Variants in BCL2L13 observed in about 807,000 individuals in gnomAD.
The protein encoded by BCL2L13 is bcl-2-like protein 13.
BCL2L13 carries 13 observed loss-of-function variants against 25.8 expected under a neutral mutation model. The observed-to-expected ratio is 0.50, with a 90% confidence interval of 0.33 to 0.80. The LOEUF is 0.80. Ranked by LOEUF, BCL2L13 falls within the 30% of genes least tolerant of loss-of-function variation. The pLI, the probability that BCL2L13 is intolerant of heterozygous loss-of-function variation, is 0.02. For synonymous variants in BCL2L13, 244 were observed against 230.3 expected (o/e 1.06, Z -0.54); for missense variants, 504 against 574.9 (o/e 0.88, Z 1.26).
Position 17,729,319 on chromosome 22 carries a change from T to G in BCL2L13, c.*1785T>G, listed in dbSNP as rs1279204341. Reference sequence around the variant, plus strand: ...AGTGTCCCATTTAGGGAGTGATGTTTTAAGGGTTTTTGTGTACTTGGATTA... The same window carrying G: ...AGTGTCCCATTTAGGGAGTGATGTTGTAAGGGTTTTTGTGTACTTGGATTA... On this transcript the variant is annotated 3_prime_UTR_variant, in exon 7 of 7. Transcript: ENST00000317582. 6.6e-6 allele frequency: 1 copy of G among 152,180 alleles called. No individual in the cohort carries two copies. Among genetic ancestry groups the G allele is most frequent in the African/African-American group, 2.4e-5 (1 of 41,420 alleles). 9.4% of individuals were successfully genotyped at this position (152,180 alleles called of 1,614,324 possible).
At chr22:17,683,148 A>AT in intron 2 of BCL2L13, 66 bp from the exon 3 acceptor site, 6 of 876,362 alleles carry the variant, frequency 6.8e-6, no homozygotes, top group Non-Finnish European at 9.0e-6. Flanking sequence ...AAAAAAAAAA[A>AT]GTGCTATTAT....
Position 17,702,236 on chromosome 22 carries a change from A to G in BCL2L13, c.457-7A>G. 1 of 1,594,862 alleles carries G rather than the reference A, an allele frequency of 6.3e-7. No homozygotes were observed. The highest frequency in any genetic ancestry group is 8.5e-7 in the Non-Finnish European group (1 of 1,172,276). ...TGGTTTTTTATTCTCTCATCTTTGC[A>G]TTGAAGATTTTGGTGCCTCTGGTTT... is the stretch of plus-strand genomic sequence containing the variant. On this transcript the variant is annotated splice_polypyrimidine_tract_variant and splice_region_variant and intron_variant, in intron 5 of 6. Coordinates refer to ENST00000317582, the MANE Select transcript of BCL2L13 (RefSeq NM_015367.4).
chr22:17,702,761 T>G, intron 6 of BCL2L13: 1 of 156,694 alleles, frequency 6.4e-6, no homozygotes, highest in Non-Finnish European at 1.4e-5. Context: ...TTAAAAATTT[T>G]GTTTTCAATT....
intron 1 of BCL2L13, among the ~76,000 whole-genome samples, chr22:17,650,991 C>CTTTTTT (rs35235295): frequency 2.8e-5 from 3 of 105,396 alleles, no homozygotes; most frequent in African/African-American, 1.1e-4. Context: ...CCATTCACTC[C>CTTTTTT]TTTTTTTTTT....
chr22:17,684,543 T>G lies in BCL2L13; in HGVS notation c.229+1222T>G, dbSNP rs567416507. On this transcript the variant is annotated intron_variant, in intron 3 of 6. Coordinates refer to ENST00000317582, the MANE Select transcript of BCL2L13 (RefSeq NM_015367.4). The stretch of plus-strand genomic sequence containing the variant: ...TGCCTATTCTGGAAATATACATAAA[T>G]AGAATAGTTCACTATGTGGTGGTGG... 69 of 453,594 alleles carry G rather than the reference T, an allele frequency of 1.5e-4. 3 individuals are homozygous for G. The highest frequency in any genetic ancestry group is 1.0e-3 in the South Asian group (67 of 64,428). The allele number at this position is 453,594 out of a possible 1,614,324, so 28.1% of individuals were successfully genotyped here.
intron 2 of BCL2L13, among the ~76,000 whole-genome samples, chr22:17,682,387 C>A (rs1416355961): frequency 6.6e-6 from 1 of 152,016 alleles, no homozygotes; most frequent in Non-Finnish European, 1.5e-5. Context: ...AATTACAAAG[C>A]ATGTATAAAA....
rs546560661 is a variant in BCL2L13 at position 17,728,916 on chromosome 22, C to T, written c.*1382C>T. The T allele has an allele frequency of 2.6e-5, 4 of 152,056 alleles. No individual in the cohort carries two copies. Among genetic ancestry groups the T allele is most frequent in the South Asian group, 4.2e-4 (2 of 4,806 alleles). The allele number at this position is 152,056 out of a possible 1,614,324, so 9.4% of individuals were successfully genotyped here. ...CCCAGCCCTAAAGGAAGGGTAGACCCGTGTCTTTCCAGCCCTAAAGGAAGG... is the reference window on the plus strand; with the variant it reads ...CCCAGCCCTAAAGGAAGGGTAGACCTGTGTCTTTCCAGCCCTAAAGGAAGG... On this transcript the variant is annotated 3_prime_UTR_variant, in exon 7 of 7. Transcript: ENST00000317582.
chr22:17,726,098 C>T (rs1458795968), intron 6 of BCL2L13, among the ~76,000 whole-genome samples: 1 of 151,924 alleles, frequency 6.6e-6, no homozygotes, highest in East Asian at 1.9e-4. Flanking sequence ...GCCTGTAATC[C>T]CAGCACTTTT....
intron 2 of BCL2L13, among the ~76,000 whole-genome samples, chr22:17,662,569 C>T (rs1252338997): frequency 6.6e-6 from 1 of 152,118 alleles, no homozygotes; most frequent in Admixed American, 6.6e-5. Flanking sequence ...CACCTGTAAT[C>T]CCAACACTTT....
chr22:17,630,589 TTC>T (rs1374755142), intron 1 of BCL2L13, among the ~76,000 whole-genome samples: 7 of 146,334 alleles, frequency 4.8e-5, no homozygotes, highest in African/African-American at 1.6e-4. Flanking sequence ...TCTTTTTCTT[TTC>T]TTTTTTTTTT....
At chr22:17,662,613 G>A (rs1424490863) in intron 2 of BCL2L13, among the ~76,000 whole-genome samples, 1 of 152,102 alleles carries the variant, frequency 6.6e-6, no homozygotes, top group Non-Finnish European at 1.5e-5. Flanking sequence ...CTTGAGCCCA[G>A]GAATTCGAGA....
chr22:17,639,265 AG>A (rs2058181222), intron 1 of BCL2L13, among the ~76,000 whole-genome samples: 1 of 152,220 alleles, frequency 6.6e-6, no homozygotes, highest in African/African-American at 2.4e-5. Flanking sequence ...GTTGAGGGAA[AG>A]GTTTTCCTGC....
intron 2 of BCL2L13, among the ~76,000 whole-genome samples, chr22:17,674,742 G>A (rs2059527848): frequency 6.6e-6 from 1 of 152,074 alleles, no homozygotes; most frequent in South Asian, 2.1e-4. Flanking sequence ...TCCTGCCTAG[G>A]CCTCCCAAGT....
chr22:17,720,902 C>T lies in BCL2L13; in HGVS notation c.601-5775C>T, dbSNP rs543625405. Among the ~76,000 whole-genome samples the T allele has an allele frequency of 5.3e-5, 8 of 151,990 alleles. No individual in the cohort carries two copies. The South Asian group carries it at 1.2e-3, about 24-fold the overall frequency. On this transcript the variant is annotated intron_variant, in intron 6 of 6. Coordinates refer to ENST00000317582, the MANE Select transcript of BCL2L13 (RefSeq NM_015367.4). ...TAATAACAGGCCGGGCGCGGTGGCT[C>T]ACGCCTGTATTCCCAGAACTTTAGG...
intron 6 of BCL2L13, among the ~76,000 whole-genome samples, chr22:17,713,021 A>C (rs982281271): frequency 6.6e-6 from 1 of 152,236 alleles, no homozygotes; most frequent in Non-Finnish European, 1.5e-5. Flanking sequence ...GAGATCAAGA[A>C]TAAGGTTAAA....
intron 2 of BCL2L13, among the ~76,000 whole-genome samples, chr22:17,665,068 T>C (rs953247840): frequency 4.6e-4 from 70 of 152,256 alleles, no homozygotes; most frequent in African/African-American, 1.6e-3. Flanking sequence ...GAAAATGGAG[T>C]TTTCTTTTCT....
intron 1 of BCL2L13, among the ~76,000 whole-genome samples, chr22:17,644,566 G>A (rs1185316162): frequency 2.0e-5 from 3 of 151,208 alleles, no homozygotes; most frequent in Admixed American, 1.3e-4. Flanking sequence ...TCTTGACCTC[G>A]TGATCCGCCT....
chr22:17,711,925 G>A (rs2060774267), intron 6 of BCL2L13, among the ~76,000 whole-genome samples: 1 of 152,004 alleles, frequency 6.6e-6, no homozygotes, highest in African/African-American at 2.4e-5. Context: ...TGAGAGCAGA[G>A]GTGACTCCAA....
chr22:17,682,969 A>G (rs1490628566), intron 2 of BCL2L13, among the ~76,000 whole-genome samples: 1 of 152,112 alleles, frequency 6.6e-6, no homozygotes, highest in African/African-American at 2.4e-5. Flanking sequence ...TGTCTCTACT[A>G]AAAATACAAA....
Sources: gnomAD v4.1 joint callset for allele counts (sites outside exome capture counted in the v4.1 genomes callset) on GRCh38, gnomAD v4.1.1 for gene constraint, MANE v1.5 for transcripts, NCBI Gene and HGNC (gene_info 2026-07-23, HGNC 2026-07-21) for gene names.